PDE8B: variants seen among roughly 807,000 people sequenced by gnomAD.
PDE8B encodes phosphodiesterase 8B, also known as high affinity cAMP-specific and IBMX-insensitive 3',5'-cyclic phosphodiesterase 8B.
A neutral mutation model predicts 101.3 loss-of-function variants in PDE8B; 26 were observed. The observed-to-expected ratio is 0.26, with a 90% CI of 0.19 to 0.36. The LOEUF is 0.36. PDE8B is among the 10% of genes least tolerant of loss of function. The pLI is 1.00. For synonymous variants in PDE8B, 424 were observed against 429.3 expected, an observed-to-expected ratio of 0.99 and a Z score of 0.15; for missense variants, 810 against 1,163.1, an observed-to-expected ratio of 0.70 and a Z score of 4.42.
intron 6 of PDE8B, among the ~76,000 whole-genome samples, chr5:77,340,642 T>TGTGTGTGTGTGTGTG (rs5741527): frequency 1.4e-5 from 2 of 144,782 alleles, no homozygotes; most frequent in African/African-American, 2.6e-5. Context: ...TGTGTGTGTG[T>TGTGTGTGTGTGTGTG]TGTTTTAGTG....
chr5:77,219,450 A>C (rs1047566259), intron 1 of PDE8B, among the ~76,000 whole-genome samples: 2 of 152,206 alleles, frequency 1.3e-5, no homozygotes, highest in Non-Finnish European at 2.9e-5. Context: ...CCTATCACCC[A>C]GGGTACCATA....
At chr5:77,109,930 T>TTTTTTTTTTTTTTTTTTTTTG in the PDE8B span, among the ~76,000 whole-genome samples, 5 of 82,058 alleles carry the variant, frequency 6.1e-5, no homozygotes, top group African/African-American at 2.6e-4. Context: ...TATTTCAGTT[T>TTTTTTTTTTTTTTTTTTTTTG]TTTTTTTTTT....
intron 1 of PDE8B, among the ~76,000 whole-genome samples, chr5:77,248,143 A>G (rs961966238): frequency 1.1e-4 from 16 of 152,240 alleles, no homozygotes; most frequent in Non-Finnish European, 1.5e-5. Context: ...TCTGAAACAG[A>G]AAAGTGTTCT....
chr5:77,266,813 C>T (rs1761801741), intron 1 of PDE8B, among the ~76,000 whole-genome samples: 1 of 151,602 alleles, frequency 6.6e-6, no homozygotes, highest in Non-Finnish European at 1.5e-5. Context: ...GTTGGTGGGC[C>T]CCTGCCTTCA....
At position 77,211,166 on chromosome 5, in the gene PDE8B, G is replaced by A; in HGVS notation, c.241G>A (p.Gly81Ser). The A allele has an allele frequency of 6.5e-7, 1 of 1,533,364 alleles. No individual in the cohort carries two copies. The highest frequency in any genetic ancestry group is 8.7e-7 in the Non-Finnish European group (1 of 1,146,658). 95.0% of individuals were successfully genotyped at this position (1,533,364 alleles called of 1,614,324 possible). A position where few individuals can be genotyped will look rare whatever the true frequency, so the allele number is the denominator to read the frequency against. ...CGAGCTGGGCAGCGGTAGCAGCGCG[G>A]GTTCCGCAGCCCCCGCCGCGACCAC... is the stretch of plus-strand genomic sequence containing the variant. ...RTELGSGSSA[G>S]SAAPAATTSR... The change falls in exon 1 of 22, where the codon GGT (glycine) becomes AGT (serine). Residue 81 changes from glycine (G) to serine (S), a missense_variant. Gly to Ser is a moderately conservative substitution (Grantham distance 56, BLOSUM62 0). This residue lies in a region of PDE8B where 159 missense variants were observed against 146.6 expected (regional missense o/e 1.08). Coordinates refer to ENST00000264917, the MANE Select transcript of PDE8B (RefSeq NM_003719.5). The surrounding 1 kb of genome is among the most constrained non-coding windows in gnomAD (Gnocchi z 4.1).
At chr5:77,152,294 T>A in the PDE8B span, 3 of 152,228 alleles carry the variant, frequency 2.0e-5, no homozygotes, top group Non-Finnish European at 4.4e-5. Flanking sequence ...TCTAGGTATC[T>A]AAAAATGCTG....
intron 1 of PDE8B, among the ~76,000 whole-genome samples, chr5:77,253,139 T>C (rs1026059742): frequency 1.3e-5 from 2 of 152,170 alleles, no homozygotes; most frequent in African/African-American, 4.8e-5. Flanking sequence ...ATATCAGGTG[T>C]TCCTCTGAGG....
At chr5:77,142,485 A>C in the PDE8B span, among the ~76,000 whole-genome samples, 3 of 152,076 alleles carry the variant, frequency 2.0e-5, no homozygotes, top group Non-Finnish European at 4.4e-5. Flanking sequence ...GTTTTCTATC[A>C]CTATAGATTA....
the PDE8B span, chr5:77,140,484 C>T: frequency 6.6e-6 from 1 of 152,220 alleles, no homozygotes; most frequent in South Asian, 2.1e-4. Flanking sequence ...TGACATTAGC[C>T]CCTACTTACT....
chr5:77,240,396 G>T (rs961462297), intron 1 of PDE8B, among the ~76,000 whole-genome samples: 1 of 151,784 alleles, frequency 6.6e-6, no homozygotes, highest in Admixed American at 6.6e-5. Context: ...CTCGTGATCC[G>T]CCCGCCTCGG....
the PDE8B span, among the ~76,000 whole-genome samples, chr5:77,108,024 T>C: frequency 6.6e-6 from 1 of 151,782 alleles, no homozygotes; most frequent in East Asian, 1.9e-4. Flanking sequence ...CCTTCAGGGG[T>C]AGTTTGTGCC....
At chr5:77,410,301 C>T (rs1397473694) in intron 14 of PDE8B, 1 of 152,276 alleles carries the variant, frequency 6.6e-6, no homozygotes, top group Non-Finnish European at 1.5e-5. Flanking sequence ...ACCTACTTTT[C>T]ATTACATGCA....
rs1398257017 is a variant in PDE8B at position 77,357,433 on chromosome 5, C to CTT, written c.1167+4030_1167+4031dup. ...CCCCTAATTAAAATGACCTCCTGCCCTTTTGTGGGAACAGAGCAAAGCTAC... is the reference window on the plus strand; with the variant it reads ...CCCCTAATTAAAATGACCTCCTGCCCTTTTTTGTGGGAACAGAGCAAAGCTAC... On this transcript the variant is annotated intron_variant, in intron 10 of 21. Coordinates refer to ENST00000264917, the MANE Select transcript of PDE8B (RefSeq NM_003719.5). 2.6e-5 allele frequency among the ~76,000 whole-genome samples: 4 copies of CTT among 152,170 alleles called. No homozygotes were observed. The East Asian group carries it at 5.8e-4, about 22-fold the overall frequency.
the PDE8B span, among the ~76,000 whole-genome samples, chr5:77,202,607 G>A: frequency 6.6e-6 from 1 of 151,800 alleles, no homozygotes; most frequent in African/African-American, 2.4e-5. Context: ...TTATCTGTAA[G>A]GCTTCTGGTC....
intron 1 of PDE8B, among the ~76,000 whole-genome samples, chr5:77,247,053 G>A (rs539912586): frequency 2.0e-5 from 3 of 152,348 alleles, no homozygotes; most frequent in South Asian, 4.1e-4. Flanking sequence ...TAATATAAAT[G>A]TAGCACACAA....
the PDE8B span, among the ~76,000 whole-genome samples, chr5:77,133,673 C>T: frequency 6.6e-6 from 1 of 152,108 alleles, no homozygotes; most frequent in African/African-American, 2.4e-5. Flanking sequence ...TGGAAGTTAG[C>T]ATATGTACCT....
chr5:77,153,817 C>G, the PDE8B span, among the ~76,000 whole-genome samples: 20 of 152,146 alleles, frequency 1.3e-4, no homozygotes, highest in Non-Finnish European at 2.6e-4. Context: ...TCAAGTGATC[C>G]ACCTGCCTCA....
the PDE8B span, chr5:77,112,064 A>G: frequency 1.3e-5 from 2 of 152,304 alleles, no homozygotes; most frequent in East Asian, 1.9e-4. Flanking sequence ...CATGCTATCA[A>G]TATAAAAATG....
chr5:77,205,583 T>A (rs978634236), upstream of PDE8B, among the ~76,000 whole-genome samples: 4 of 152,134 alleles, frequency 2.6e-5, no homozygotes, highest in African/African-American at 9.7e-5. Context: ...GAAAAAAAAA[T>A]CAATGGAAAT....
Sources: allele counts gnomAD v4.1 joint callset (sites outside exome capture counted in the v4.1 genomes callset), GRCh38; gene constraint gnomAD v4.1.1; regional missense constraint gnomAD v4.1.1; non-coding constraint Gnocchi (gnomAD v3.1); transcripts MANE v1.5; gene names NCBI Gene and HGNC (gene_info 2026-07-23, HGNC 2026-07-21).